The following PIP5K1B variants were observed in gnomAD, a reference collection of about 807,000 sequenced individuals.
PIP5K1B encodes phosphatidylinositol 4-phosphate 5-kinase type-1 beta.
PIP5K1B carries 42 observed loss-of-function variants against 67.0 expected under a neutral mutation model. The ratio of observed to expected loss-of-function variants is 0.63; its 90% CI spans 0.49 to 0.81. PIP5K1B has a LOEUF of 0.81. Ranked by LOEUF, PIP5K1B falls within the 30% of genes least tolerant of loss-of-function variation. PIP5K1B has a pLI of 0.00. For missense variants in PIP5K1B, 459 were observed against 646.3 expected, an observed-to-expected ratio of 0.71 and a Z score of 3.14; for synonymous variants, 214 against 231.4, an observed-to-expected ratio of 0.92 and a Z score of 0.68.
chr9:68,886,110 C>T (rs560426206), intron 6 of PIP5K1B, among the ~76,000 whole-genome samples: 4 of 151,590 alleles, frequency 2.6e-5, no homozygotes, highest in East Asian at 1.9e-4. Context: ...ACCCGGGAGG[C>T]GGAGCTTGCA....
At position 68,991,208 on chromosome 9, in the gene PIP5K1B, A is replaced by G. The variant is rs772689582; in HGVS notation, c.1571A>G (p.Asn524Ser). ...EGTIYLTAEPNTLEVQDDNAS... is the reference protein window; with the variant it reads ...EGTIYLTAEPSTLEVQDDNAS... The stretch of plus-strand genomic sequence containing the variant: ...ACCATCTACTTGACCGCTGAGCCCA[A>G]CACTCTGGAAGTGCAGGATGACAAT... The change falls in exon 15 of 16, where the codon AAC (asparagine) becomes AGC (serine). Residue 524 changes from asparagine (N) to serine (S), a missense_variant. Coordinates refer to ENST00000265382, the MANE Select transcript of PIP5K1B (RefSeq NM_003558.4). The G allele has an allele frequency of 3.7e-6, 6 of 1,612,366 alleles. No homozygotes were observed. In the Admixed American group the frequency reaches 6.7e-5, roughly 18 times the overall value.
At chr9:68,741,403 G>A (rs1829000657) in intron 1 of PIP5K1B, among the ~76,000 whole-genome samples, 1 of 152,154 alleles carries the variant, frequency 6.6e-6, no homozygotes, top group Admixed American at 6.5e-5. Flanking sequence ...TGAATGTGCT[G>A]TAAGTACAGT....
At chr9:68,765,450 G>T (rs1450382983) in intron 2 of PIP5K1B, among the ~76,000 whole-genome samples, 3 of 151,940 alleles carry the variant, frequency 2.0e-5, no homozygotes, top group Non-Finnish European at 4.4e-5. Flanking sequence ...ATGCAACATG[G>T]AGAAAATGGT....
intron 4 of PIP5K1B, among the ~76,000 whole-genome samples, chr9:68,848,053 C>CTTGTT (rs373697443): frequency 0.024 from 3,708 of 152,276 alleles, 77 homozygotes; most frequent in East Asian, 0.1. Flanking sequence ...CACCTCCTCA[C>CTTGTT]TGTGTAGCCT....
chr9:68,812,627 T>G (rs747055258), intron 2 of PIP5K1B, among the ~76,000 whole-genome samples: 1 of 152,260 alleles, frequency 6.6e-6, no homozygotes, highest in African/African-American at 2.4e-5. Context: ...ATGTCCTTAC[T>G]TGGCCATTGG....
chr9:68,877,974 A>G (rs1481217852), intron 6 of PIP5K1B, among the ~76,000 whole-genome samples: 1 of 150,236 alleles, frequency 6.7e-6, no homozygotes, highest in Non-Finnish European at 1.5e-5. Flanking sequence ...GCCTCTACCC[A>G]TCACTACCAA....
Position 68,987,769 on chromosome 9 carries a change from A to AT in PIP5K1B, c.1503-3370dup, listed in dbSNP as rs756717647. On this transcript the variant is annotated intron_variant, in intron 14 of 15. Transcript: ENST00000265382. ...TCTTACATGGCAGTGGCGAGGGAGA[A>AT]TGAGAGAGGAGCAAAAGCAGAAACC... Among the ~76,000 whole-genome samples the AT allele has an allele frequency of 4.1e-4, 62 of 152,224 alleles. 1 individual carries two copies. Among genetic ancestry groups the AT allele is most frequent in the South Asian group, 3.7e-3 (18 of 4,824 alleles).
intron 14 of PIP5K1B, among the ~76,000 whole-genome samples, chr9:68,975,017 G>A (rs1197446437): frequency 1.3e-5 from 2 of 152,328 alleles, no homozygotes; most frequent in South Asian, 4.1e-4. Context: ...TTTAAAAAAT[G>A]TTTGTTGGAT....
chr9:68,976,438 T>C (rs1158208361), intron 14 of PIP5K1B, among the ~76,000 whole-genome samples: 1 of 152,180 alleles, frequency 6.6e-6, no homozygotes, highest in Non-Finnish European at 1.5e-5. Flanking sequence ...AAATTCAATG[T>C]CTTACCCAAA....
chr9:68,813,276 T>C (rs1833264041), intron 2 of PIP5K1B, among the ~76,000 whole-genome samples: 1 of 152,250 alleles, frequency 6.6e-6, no homozygotes, highest in Admixed American at 6.5e-5. Flanking sequence ...GCAAAACTTA[T>C]GGTCAAGTCT....
intron 14 of PIP5K1B, among the ~76,000 whole-genome samples, chr9:68,990,242 TG>T (rs1830302625): frequency 6.6e-6 from 1 of 152,180 alleles, no homozygotes; most frequent in Non-Finnish European, 1.5e-5. Flanking sequence ...TAGCATCACC[TG>T]GGAACTTGTC....
intron 14 of PIP5K1B, among the ~76,000 whole-genome samples, chr9:68,971,605 C>A (rs776605440): frequency 2.6e-5 from 4 of 152,200 alleles, no homozygotes; most frequent in Non-Finnish European, 5.9e-5. Flanking sequence ...GTTTACAGTC[C>A]CACCAGCAGT....
intron 4 of PIP5K1B, among the ~76,000 whole-genome samples, chr9:68,860,108 T>G (rs911517707): frequency 2.0e-5 from 3 of 152,188 alleles, no homozygotes; most frequent in African/African-American, 7.2e-5. Flanking sequence ...TTGTTATTAA[T>G]GTAGTCACCA....
At chr9:68,899,287 G>A (rs540133075) in intron 8 of PIP5K1B, among the ~76,000 whole-genome samples, 1 of 152,140 alleles carries the variant, frequency 6.6e-6, no homozygotes, top group East Asian at 1.9e-4. Flanking sequence ...ATGCATCCTG[G>A]GCTTACTTCT....
At chr9:68,878,847 C>T (rs1824028981) in intron 6 of PIP5K1B, among the ~76,000 whole-genome samples, 1 of 152,062 alleles carries the variant, frequency 6.6e-6, no homozygotes, top group African/African-American at 2.4e-5. Flanking sequence ...TTTAACCATG[C>T]CTTAAAAACT....
intron 4 of PIP5K1B, among the ~76,000 whole-genome samples, chr9:68,832,853 C>G (rs1834391121): frequency 6.6e-6 from 1 of 152,202 alleles, no homozygotes; most frequent in Non-Finnish European, 1.5e-5. Flanking sequence ...CATTGCAGAT[C>G]AGGAATCGTT....
intron 4 of PIP5K1B, 79 bp from the exon 5 acceptor site, chr9:68,863,758 A>T: frequency 8.3e-7 from 1 of 1,205,866 alleles, no homozygotes; most frequent in South Asian, 1.6e-5. Flanking sequence ...ATTGAACCTC[A>T]CTCATGTTTT....
intron 2 of PIP5K1B, among the ~76,000 whole-genome samples, chr9:68,776,713 A>C (rs1362940799): frequency 6.6e-6 from 1 of 152,176 alleles, no homozygotes; most frequent in Non-Finnish European, 1.5e-5. Context: ...TGTGGAATAG[A>C]TGTCTGGTTT....
Position 68,780,222 on chromosome 9 carries a change from C to T in PIP5K1B, c.-86+37565C>T, listed in dbSNP as rs141912481. On this transcript the variant is annotated intron_variant, in intron 2 of 15. Coordinates refer to ENST00000265382, the MANE Select transcript of PIP5K1B (RefSeq NM_003558.4). ...GCTGCCTCCGGGTACGGGCGGGAGC[C>T]CGGCGGAGGGCGGTGGCAGCGGCGG... 5.6e-4 allele frequency: 861 copies of T among 1,540,270 alleles called. 8 individuals are homozygous for T. The African/African-American group carries it at 0.011, about 19-fold the overall frequency.
Sources: gnomAD v4.1 joint callset for allele counts (sites outside exome capture counted in the v4.1 genomes callset) on GRCh38, gnomAD v4.1.1 for gene constraint, MANE v1.5 for transcripts, NCBI Gene and HGNC (gene_info 2026-07-23, HGNC 2026-07-21) for gene names.